YEATS2: variants seen among roughly 807,000 people sequenced by gnomAD.
YEATS2 encodes YEATS domain-containing protein 2.
Under a neutral mutation model 163.2 loss-of-function variants are expected in YEATS2, and 77 were observed. The observed-to-expected ratio is 0.47, with a 90% confidence interval of 0.39 to 0.57. The LOEUF (loss-of-function observed/expected upper bound fraction) is 0.57, where lower values mean the gene tolerates loss of function less well. Ranked by LOEUF, YEATS2 falls within the 20% of genes least tolerant of loss-of-function variation. The pLI, the probability that YEATS2 is intolerant of heterozygous loss-of-function variation, is 0.00. For synonymous variants in YEATS2, 631 were observed against 645.1 expected (o/e 0.98, Z 0.33); for missense variants, 1,549 against 1,729.8 (o/e 0.90, Z 1.85).
chr3:183,724,563 T>C (rs753827412), intron 6 of YEATS2, 32 bp downstream of exon 6: 3 of 1,507,490 alleles, frequency 2.0e-6, no homozygotes, highest in Middle Eastern at 3.4e-4. Context: ...TTTTTATTTG[T>C]CCATTTGTGT....
chr3:183,701,935 C>G (rs1056886289), intron 1 of YEATS2, among the ~76,000 whole-genome samples: 4 of 152,186 alleles, frequency 2.6e-5, no homozygotes, highest in Non-Finnish European at 5.9e-5. Flanking sequence ...TTGCCTAGAA[C>G]TAGTTCTACT....
chr3:183,744,479 T>C (rs1256534276), intron 8 of YEATS2, among the ~76,000 whole-genome samples: 2 of 152,186 alleles, frequency 1.3e-5, no homozygotes. Flanking sequence ...TGCACTGGGC[T>C]CAGACCTAGT....
chr3:183,766,488 A>G (rs1721918860), intron 15 of YEATS2, among the ~76,000 whole-genome samples: 1 of 152,232 alleles, frequency 6.6e-6, no homozygotes, highest in Non-Finnish European at 1.5e-5. Context: ...TATGTGTAGG[A>G]AACAGGGAGG....
intron 19 of YEATS2, among the ~76,000 whole-genome samples, chr3:183,782,418 G>GT (rs891394815): frequency 1.3e-5 from 2 of 149,718 alleles, no homozygotes; most frequent in African/African-American, 4.9e-5. Flanking sequence ...CAATTCTTGA[G>GT]TTTTTTAATT....
At position 183,772,674 on chromosome 3, in the gene YEATS2, G is replaced by C. The variant is rs2108385414; in HGVS notation, c.2206+111G>C. 1.7e-5 allele frequency: 23 copies of C among 1,342,360 alleles called. No homozygotes were observed. In the South Asian group the frequency reaches 3.0e-4, roughly 18 times the overall value. 83.2% of individuals were successfully genotyped at this position (1,342,360 alleles called of 1,614,324 possible). On this transcript the variant is annotated intron_variant, in intron 16 of 30. Coordinates refer to ENST00000305135, the MANE Select transcript of YEATS2 (RefSeq NM_018023.5). ...TGGTCTAGGAAAGCCTAGTTAGGTT[G>C]ATGCTGTAAGAAGTGTATTGAAATG...
chr3:183,776,432 T>C (rs1328446352), intron 18 of YEATS2, among the ~76,000 whole-genome samples: 1 of 152,026 alleles, frequency 6.6e-6, no homozygotes, highest in East Asian at 1.9e-4. Flanking sequence ...CAGTCCCAGC[T>C]ACTCCGAAGG....
Position 183,793,436 on chromosome 3 carries a change from TG to T in YEATS2, c.3097+2457del, listed in dbSNP as rs559371753. ...ACTAACTGTTTTATTTGAGGCCCTG[TG>T]TTGGATACTGGAGTAGAAATTGTAG... On this transcript the variant is annotated intron_variant, in intron 21 of 30. Transcript: ENST00000305135. 37 of 1,001,540 alleles carry T rather than the reference TG, an allele frequency of 3.7e-5. No homozygotes were observed. The South Asian group carries it at 1.4e-3, about 37-fold the overall frequency. The allele number at this position is 1,001,540 out of a possible 1,614,324, so 62.0% of individuals were successfully genotyped here.
chr3:183,748,480 G>A (rs929131812), intron 9 of YEATS2, among the ~76,000 whole-genome samples: 2 of 152,036 alleles, frequency 1.3e-5, no homozygotes, highest in Non-Finnish European at 2.9e-5. Context: ...TCGAACTGCT[G>A]ACTGCTCTCG....
chr3:183,785,332 A>G (rs1289105574), intron 19 of YEATS2, among the ~76,000 whole-genome samples: 1 of 151,696 alleles, frequency 6.6e-6, no homozygotes, highest in East Asian at 2.0e-4. Flanking sequence ...TACTAAAAAT[A>G]CAAAAATTAG....
chr3:183,783,432 G>A (rs1203163600), intron 19 of YEATS2, among the ~76,000 whole-genome samples: 2 of 152,176 alleles, frequency 1.3e-5, no homozygotes, highest in Admixed American at 6.5e-5. Flanking sequence ...TAGATTCAGG[G>A]GGTACATGTG....
Position 183,786,208 on chromosome 3 carries a change from G to A in YEATS2, c.2820G>A (p.Lys940=), listed in dbSNP as rs370929605. The stretch of plus-strand genomic sequence containing the variant: ...TGCCAGCCACCTCACAGCTCTCGAA[G>A]CCTGGAACCACAATGCTGAGAGTAG... The part of the protein sequence containing the change: ...KTVPATSQLS[K]PGTTMLRVAG... The change falls in exon 20 of 31, where the codon AAG becomes AAA. Residue 940 remains lysine (K), a synonymous_variant. Coordinates refer to ENST00000305135, the MANE Select transcript of YEATS2 (RefSeq NM_018023.5). The A allele has an allele frequency of 6.2e-7, 1 of 1,614,136 alleles. No individual in the cohort carries two copies. Among genetic ancestry groups the A allele is most frequent in the Non-Finnish European group, 8.5e-7 (1 of 1,180,026 alleles).
chr3:183,797,905 T>G lies in YEATS2; in HGVS notation c.3098-18T>G, dbSNP rs372041052. 3.3e-5 allele frequency: 53 copies of G among 1,613,344 alleles called. No homozygotes were observed. Among genetic ancestry groups the G allele is most frequent in the Non-Finnish European group, 4.5e-5 (53 of 1,179,556 alleles). On this transcript the variant is annotated intron_variant, in intron 21 of 30. Coordinates refer to ENST00000305135, the MANE Select transcript of YEATS2 (RefSeq NM_018023.5). ...GCACCTGACCTTCAACTTGGCTTTATCTTCCAATTTGTTCTAGGACTGTTA... is the reference window on the plus strand; with the variant it reads ...GCACCTGACCTTCAACTTGGCTTTAGCTTCCAATTTGTTCTAGGACTGTTA...
At chr3:183,724,102 C>T (rs572203933) in intron 5 of YEATS2, among the ~76,000 whole-genome samples, 3 of 152,270 alleles carry the variant, frequency 2.0e-5, no homozygotes, top group East Asian at 3.9e-4. Flanking sequence ...CCCTTTCTCT[C>T]TTTCTATTCC....
chr3:183,809,793 A>G (rs1726612272), intron 30 of YEATS2, among the ~76,000 whole-genome samples: 1 of 152,242 alleles, frequency 6.6e-6, no homozygotes, highest in East Asian at 1.9e-4. Context: ...ATATTATTTT[A>G]TTGCATTATG....
rs552370625 is a variant in YEATS2, at chr3:183,786,724, A to G, written c.2913+423A>G. On this transcript the variant is annotated intron_variant, in intron 20 of 30. Coordinates refer to ENST00000305135, the MANE Select transcript of YEATS2 (RefSeq NM_018023.5). Reference sequence around the variant, plus strand: ...TAGCATTACAGTGCAGAGTTCATCCACGTTGTGACTTGCATCAATACTCCT... The same window carrying G: ...TAGCATTACAGTGCAGAGTTCATCCGCGTTGTGACTTGCATCAATACTCCT... Among the ~76,000 whole-genome samples, 3 of 152,282 alleles carry G rather than the reference A, an allele frequency of 2.0e-5. No homozygotes were observed. In the South Asian group the frequency reaches 6.2e-4, roughly 32 times the overall value.
chr3:183,747,776 T>TTTTG (rs959069094), intron 9 of YEATS2, 60 bp downstream of exon 9: 26 of 1,537,424 alleles, frequency 1.7e-5, no homozygotes, highest in East Asian at 6.9e-5. Flanking sequence ...GATCTTCATT[T>TTTTG]TTTGTTTGTT....
At chr3:183,803,907 T>G in intron 26 of YEATS2, 80 bp from the exon 27 acceptor site, 1 of 1,444,372 alleles carries the variant, frequency 6.9e-7, no homozygotes. Flanking sequence ...GTTAGGATGG[T>G]GATTTATGGT....
At chr3:183,808,241 T>A (rs1031940281) in intron 29 of YEATS2, 137 bp downstream of exon 29, 2 of 637,560 alleles carry the variant, frequency 3.1e-6, no homozygotes, top group East Asian at 6.0e-5. Context: ...AGTTCTCTCT[T>A]TTTGTTTTTT....
Position 183,756,515 on chromosome 3 carries a change from T to C in YEATS2, c.1391-13T>C, listed in dbSNP as rs752686311. On this transcript the variant is annotated splice_polypyrimidine_tract_variant and intron_variant, in intron 11 of 30. Coordinates refer to ENST00000305135, the MANE Select transcript of YEATS2 (RefSeq NM_018023.5). Reference sequence around the variant, plus strand: ...GTGTATTTTGTTTGTATTCTCTCTTTTTAATTAATAAGGTTCCCCAATATC... The same window carrying C: ...GTGTATTTTGTTTGTATTCTCTCTTCTTAATTAATAAGGTTCCCCAATATC... 1.4e-5 allele frequency: 22 copies of C among 1,537,228 alleles called. No homozygotes were observed. The highest frequency in any genetic ancestry group is 2.4e-5 in the East Asian group (1 of 41,768).
Sources: gnomAD v4.1 joint callset for allele counts (sites outside exome capture counted in the v4.1 genomes callset) on GRCh38, gnomAD v4.1.1 for gene constraint, MANE v1.5 for transcripts, NCBI Gene and HGNC (gene_info 2026-07-23, HGNC 2026-07-21) for gene names.